The following LSAMP variants were observed in gnomAD, a reference collection of about 807,000 sequenced individuals.
The protein encoded by LSAMP is limbic system associated membrane protein.
A neutral mutation model predicts 38.6 loss-of-function variants in LSAMP; 7 were observed. The observed-to-expected ratio is 0.18, with a 90% CI of 0.10 to 0.34. The LOEUF (loss-of-function observed/expected upper bound fraction) is 0.34. Ranked by LOEUF, LSAMP falls within the 10% of genes least tolerant of loss-of-function variation. The pLI is 1.00. For missense variants in LSAMP, 313 were observed against 420.0 expected (o/e 0.75, Z 2.23); for synonymous variants, 154 against 166.8 (o/e 0.92, Z 0.59).
chr3:116,377,093 TG>T (rs2048503542), intron 1 of LSAMP, among the ~76,000 whole-genome samples: 1 of 152,054 alleles, frequency 6.6e-6, no homozygotes, highest in African/African-American at 2.4e-5. Flanking sequence ...TTTTAAGTTC[TG>T]GGGTACATGT....
At chr3:116,324,440 A>G (rs2047743673) in intron 1 of LSAMP, among the ~76,000 whole-genome samples, 1 of 152,208 alleles carries the variant, frequency 6.6e-6, no homozygotes, top group Non-Finnish European at 1.5e-5. Context: ...TACTTCTGAA[A>G]GCCGGGAATT....
At chr3:116,101,166 C>T (rs1708338592) in intron 1 of LSAMP, among the ~76,000 whole-genome samples, 1 of 152,146 alleles carries the variant, frequency 6.6e-6, no homozygotes, top group African/African-American at 2.4e-5. Context: ...TCTCATCTCA[C>T]ATTTATAAGA....
At chr3:116,019,437 T>C in intron 3 of LSAMP, 78 bp downstream of exon 3, 1 of 1,518,284 alleles carries the variant, frequency 6.6e-7, no homozygotes, top group East Asian at 2.4e-5. Context: ...AATTGAAATT[T>C]CTGATTCAGC....
intron 3 of LSAMP, among the ~76,000 whole-genome samples, chr3:115,977,041 C>T (rs1175022073): frequency 1.3e-5 from 2 of 152,016 alleles, no homozygotes; most frequent in African/African-American, 4.8e-5. Flanking sequence ...GGGAGCATAA[C>T]ATTGAGCGGA....
chr3:116,148,530 G>A (rs1453837554), intron 1 of LSAMP, among the ~76,000 whole-genome samples: 1 of 151,830 alleles, frequency 6.6e-6, no homozygotes. Flanking sequence ...AAGTTGTTTG[G>A]GGGCACAAAC....
rs941258590 is a variant in LSAMP at position 116,426,252 on chromosome 3, C to T, written c.155+18625G>A. Among the ~76,000 whole-genome samples the T allele has an allele frequency of 1.4e-4, 22 of 151,924 alleles. 1 individual carries two copies. The highest frequency in any genetic ancestry group is 1.4e-3 in the Admixed American group (22 of 15,248). Reference sequence around the variant, plus strand: ...CTGTAATTTCAGCACTTTGGGAGACCGAGCCGGGTGGATCACTTGAGGTCA... The same window carrying T: ...CTGTAATTTCAGCACTTTGGGAGACTGAGCCGGGTGGATCACTTGAGGTCA... On this transcript the variant is annotated intron_variant, in intron 1 of 6. Transcript: ENST00000490035.
chr3:116,107,058 G>T (rs975524584), intron 1 of LSAMP, among the ~76,000 whole-genome samples: 3 of 152,188 alleles, frequency 2.0e-5, no homozygotes, highest in Admixed American at 2.0e-4. Flanking sequence ...AGGCCTGGTG[G>T]AACTGCCATT....
intron 3 of LSAMP, among the ~76,000 whole-genome samples, chr3:115,914,365 C>A (rs745657585): frequency 6.6e-6 from 1 of 152,206 alleles, no homozygotes; most frequent in African/African-American, 2.4e-5. Flanking sequence ...ACCACCTCAA[C>A]CATAATATCT....
At chr3:116,103,694 TC>T (rs1030708138) in intron 1 of LSAMP, among the ~76,000 whole-genome samples, 3 of 151,852 alleles carry the variant, frequency 2.0e-5, no homozygotes, top group Admixed American at 2.0e-4. Flanking sequence ...TTATGAACAT[TC>T]TTCTGTCTAA....
chr3:115,815,149 GAGAGAA>G (rs1394313927), intron 6 of LSAMP, among the ~76,000 whole-genome samples: 8 of 152,180 alleles, frequency 5.3e-5, no homozygotes, highest in Non-Finnish European at 1.0e-4. Context: ...CAGAGAGAGA[GAGAGAA>G]AGAGAAAGAT....
intron 3 of LSAMP, among the ~76,000 whole-genome samples, chr3:115,873,069 GA>G (rs754445339): frequency 1.3e-5 from 2 of 152,102 alleles, no homozygotes; most frequent in South Asian, 4.1e-4. Flanking sequence ...CAAATTAGTG[GA>G]ATCAAGATTT....
intron 2 of LSAMP, among the ~76,000 whole-genome samples, chr3:116,058,953 A>G (rs1275934452): frequency 6.6e-6 from 1 of 150,938 alleles, no homozygotes; most frequent in Non-Finnish European, 1.5e-5. Flanking sequence ...TTTTTTTATC[A>G]TTTCCAATCA....
At chr3:116,326,036 T>C (rs1482132318) in intron 1 of LSAMP, among the ~76,000 whole-genome samples, 1 of 152,182 alleles carries the variant, frequency 6.6e-6, no homozygotes, top group African/African-American at 2.4e-5. Context: ...GATTTTATTC[T>C]ACCCATATTT....
rs72945976 is a variant in LSAMP, at chr3:116,243,413, C to T, written c.156-156857G>A. On this transcript the variant is annotated intron_variant, in intron 1 of 6. Coordinates refer to ENST00000490035, the MANE Select transcript of LSAMP (RefSeq NM_002338.5). The stretch of plus-strand genomic sequence containing the variant: ...AAGATCAGATCTGAGGACTAACTGC[C>T]TGGGGCTAGCACAATCTAGCTCTTT... 1.6e-3 allele frequency among the ~76,000 whole-genome samples: 245 copies of T among 152,212 alleles called. 1 individual carries two copies. Among genetic ancestry groups the T allele is most frequent in the African/African-American group, 5.6e-3 (233 of 41,538 alleles).
intron 1 of LSAMP, among the ~76,000 whole-genome samples, chr3:116,187,312 G>A (rs916961081): frequency 1.3e-5 from 2 of 152,102 alleles, no homozygotes; most frequent in Non-Finnish European, 2.9e-5. Context: ...GTATCTTTGA[G>A]CAAATTACAG....
intron 1 of LSAMP, among the ~76,000 whole-genome samples, chr3:116,182,303 A>G (rs1226178726): frequency 6.6e-6 from 1 of 151,684 alleles, no homozygotes; most frequent in East Asian, 1.9e-4. Flanking sequence ...AATAGATACC[A>G]TATTTTAGAA....
rs549026692 is a variant in LSAMP at position 115,868,385 on chromosome 3, C to T, written c.515-15768G>A. ...CCACTCCCTGAATCCAAGCACTAGCCATTGAGAAATCTATCCCTCTCTCCA... is the reference window on the plus strand; with the variant it reads ...CCACTCCCTGAATCCAAGCACTAGCTATTGAGAAATCTATCCCTCTCTCCA... On this transcript the variant is annotated intron_variant, in intron 3 of 6. Transcript: ENST00000490035. 3.9e-5 allele frequency among the ~76,000 whole-genome samples: 6 copies of T among 152,202 alleles called. 1 individual carries two copies. The highest frequency in any genetic ancestry group is 1.2e-4 in the African/African-American group (5 of 41,538).
At chr3:116,172,828 G>T (rs548127190) in intron 1 of LSAMP, among the ~76,000 whole-genome samples, 6 of 151,934 alleles carry the variant, frequency 3.9e-5, no homozygotes, top group African/African-American at 1.2e-4. Context: ...TAAAGGTAAG[G>T]GTTGGTTCAC....
At chr3:115,816,376 G>T (rs1934018097) in intron 6 of LSAMP, among the ~76,000 whole-genome samples, 1 of 152,160 alleles carries the variant, frequency 6.6e-6, no homozygotes, top group African/African-American at 2.4e-5. Flanking sequence ...AGCATAACTT[G>T]CTGTGTTCCA....
Sources: gnomAD v4.1 joint callset for allele counts (sites outside exome capture counted in the v4.1 genomes callset) on GRCh38, gnomAD v4.1.1 for gene constraint, MANE v1.5 for transcripts, NCBI Gene and HGNC (gene_info 2026-07-23, HGNC 2026-07-21) for gene names.